ADAMTS17: variants seen among roughly 807,000 people sequenced by gnomAD.
ADAMTS17 encodes the protein A disintegrin and metalloproteinase with thrombospondin motifs 17.
ADAMTS17 carries 113 observed loss-of-function variants against 141.5 expected under a neutral mutation model. The observed-to-expected ratio is 0.80, with a 90% CI of 0.69 to 0.93. The LOEUF is 0.93. ADAMTS17 is among the 40% of genes least tolerant of loss of function. The pLI, the probability that ADAMTS17 is intolerant of heterozygous loss-of-function variation, is 0.00. For missense variants in ADAMTS17, 1,659 were observed against 1,517.9 expected (o/e 1.09, Z -1.54); for synonymous variants, 768 against 630.6 (o/e 1.22, Z -3.27).
intron 3 of ADAMTS17, among the ~76,000 whole-genome samples, chr15:100,330,613 T>G (rs1048612297): frequency 2.6e-5 from 4 of 152,104 alleles, no homozygotes; most frequent in Non-Finnish European, 4.4e-5. Context: ...CTACAAGGTT[T>G]TTTGGACCTC....
intron 7 of ADAMTS17, among the ~76,000 whole-genome samples, chr15:100,228,163 G>A (rs1001453756): frequency 3.9e-5 from 6 of 152,056 alleles, no homozygotes; most frequent in African/African-American, 1.2e-4. Flanking sequence ...TCACCTACAC[G>A]CTCTTTCCCG....
chr15:100,084,328 T>G (rs1409435345), intron 15 of ADAMTS17, among the ~76,000 whole-genome samples: 1 of 152,142 alleles, frequency 6.6e-6, no homozygotes, highest in Non-Finnish European at 1.5e-5. Context: ...CTTGAGTAGG[T>G]AAACAAAGCC....
chr15:100,228,558 C>T (rs952948809), intron 7 of ADAMTS17, among the ~76,000 whole-genome samples: 4 of 152,130 alleles, frequency 2.6e-5, no homozygotes, highest in Non-Finnish European at 4.4e-5. Flanking sequence ...TGAGAGTGAG[C>T]AGGTACATTT....
At chr15:100,180,412 G>C (rs2040483280) in intron 8 of ADAMTS17, among the ~76,000 whole-genome samples, 1 of 152,102 alleles carries the variant, frequency 6.6e-6, no homozygotes, top group Non-Finnish European at 1.5e-5. Context: ...TGCCATTTTG[G>C]TTACTATAGC....
At chr15:100,072,707 T>G (rs2034068120) in intron 15 of ADAMTS17, among the ~76,000 whole-genome samples, 1 of 152,222 alleles carries the variant, frequency 6.6e-6, no homozygotes, top group East Asian at 1.9e-4. Context: ...TAGCCATATG[T>G]AGAAAGCTGA....
At chr15:100,210,769 CAGCCCAGCCAGCATGGCT>C (rs1238052113) in intron 7 of ADAMTS17, among the ~76,000 whole-genome samples, 2 of 150,788 alleles carry the variant, frequency 1.3e-5, no homozygotes, top group Non-Finnish European at 1.5e-5. Flanking sequence ...AGTTTGAGGC[CAGCCCAGCCAGCATGGCT>C]GAAACCCCGT....
chr15:100,179,073 A>G (rs1177813162), intron 8 of ADAMTS17, among the ~76,000 whole-genome samples: 1 of 152,182 alleles, frequency 6.6e-6, no homozygotes, highest in South Asian at 2.1e-4. Context: ...GGGTATCATC[A>G]TCTCCAACAA....
chr15:100,277,920 G>C (rs1453295305), intron 4 of ADAMTS17, among the ~76,000 whole-genome samples: 1 of 152,220 alleles, frequency 6.6e-6, no homozygotes, highest in African/African-American at 2.4e-5. Flanking sequence ...AAAAGAAAAA[G>C]GTGATGCACG....
At chr15:100,292,291 ACACT>A (rs1374661422) in intron 3 of ADAMTS17, among the ~76,000 whole-genome samples, 1 of 151,434 alleles carries the variant, frequency 6.6e-6, no homozygotes, top group Non-Finnish European at 1.5e-5. Context: ...TCTACGAGAG[ACACT>A]CAGCCCGTGT....
intron 8 of ADAMTS17, among the ~76,000 whole-genome samples, chr15:100,174,405 C>A (rs866826340): frequency 6.7e-6 from 1 of 150,304 alleles, no homozygotes; most frequent in African/African-American, 2.5e-5. Flanking sequence ...GGTTACTAAA[C>A]CCTAGTTTGT....
At chr15:100,077,822 A>C (rs2034482624) in intron 15 of ADAMTS17, among the ~76,000 whole-genome samples, 1 of 152,254 alleles carries the variant, frequency 6.6e-6, no homozygotes. Context: ...AAGTAAAATT[A>C]TCTCTATTTG....
At chr15:99,992,734 A>G (rs2060715431) in intron 20 of ADAMTS17, among the ~76,000 whole-genome samples, 1 of 152,182 alleles carries the variant, frequency 6.6e-6, no homozygotes, top group Non-Finnish European at 1.5e-5. Context: ...AGCACACCGC[A>G]CAGCATGGCA....
At chr15:100,087,926 C>T (rs1403001659) in intron 15 of ADAMTS17, among the ~76,000 whole-genome samples, 2 of 152,174 alleles carry the variant, frequency 1.3e-5, no homozygotes, top group Non-Finnish European at 1.5e-5. Context: ...TGAAAAGTGG[C>T]ACAAGACAGG....
intron 14 of ADAMTS17, among the ~76,000 whole-genome samples, chr15:100,101,561 C>T (rs1407064525): frequency 6.6e-6 from 1 of 152,212 alleles, no homozygotes; most frequent in African/African-American, 2.4e-5. Context: ...TGTGTCATCT[C>T]CCTAACGGAC....
At chr15:100,200,261 C>T (rs573226224) in intron 7 of ADAMTS17, among the ~76,000 whole-genome samples, 15 of 152,290 alleles carry the variant, frequency 9.8e-5, no homozygotes, top group African/African-American at 3.6e-4. Flanking sequence ...GGCAGGCCAG[C>T]CACTGCAGGA....
chr15:100,336,752 T>C (rs965028399), intron 2 of ADAMTS17, among the ~76,000 whole-genome samples: 1 of 152,162 alleles, frequency 6.6e-6, no homozygotes, highest in South Asian at 2.1e-4. Flanking sequence ...TGTAAATCAA[T>C]CAATCGAAAG....
chr15:100,052,505 G>A (rs1336201217), intron 16 of ADAMTS17, among the ~76,000 whole-genome samples: 2 of 152,224 alleles, frequency 1.3e-5, no homozygotes, highest in Non-Finnish European at 1.5e-5. Flanking sequence ...CCAGGCTGGG[G>A]ACTTCACTTT....
chr15:100,153,309 G>A (rs1474504574), intron 9 of ADAMTS17, among the ~76,000 whole-genome samples: 1 of 152,128 alleles, frequency 6.6e-6, no homozygotes, highest in Admixed American at 6.5e-5. Flanking sequence ...CAACTGGGGT[G>A]GGAGCATTCA....
chr15:99,994,452 TAAAAAAAA>T (rs113195908), intron 19 of ADAMTS17, among the ~76,000 whole-genome samples: 1 of 141,392 alleles, frequency 7.1e-6, no homozygotes, highest in Non-Finnish European at 1.5e-5. Context: ...CCCAATCTCT[TAAAAAAAA>T]AAAAAAAATC....
Sources: allele counts gnomAD v4.1 joint callset (sites outside exome capture counted in the v4.1 genomes callset), GRCh38; gene constraint gnomAD v4.1.1; transcripts MANE v1.5; gene names NCBI Gene and HGNC (gene_info 2026-07-23, HGNC 2026-07-21).